The following CHL1 variants were observed in gnomAD, a reference collection of about 807,000 sequenced individuals.
CHL1 encodes the protein cell adhesion molecule L1 like.
Under a neutral mutation model 141.9 loss-of-function variants are expected in CHL1, and 96 were observed. The observed-to-expected ratio is 0.68, with a 90% CI of 0.57 to 0.80. The LOEUF (loss-of-function observed/expected upper bound fraction) is 0.80. Ranked by LOEUF, CHL1 falls within the 30% of genes least tolerant of loss-of-function variation. CHL1 has a pLI of 0.00. For missense variants in CHL1, 1,820 were observed against 1,457.2 expected, an observed-to-expected ratio of 1.25 and a Z score of -4.05; for synonymous variants, 613 against 502.2, an observed-to-expected ratio of 1.22 and a Z score of -2.95.
chr3:296,888 G>A (rs1698235265), intron 2 of CHL1, among the ~76,000 whole-genome samples: 1 of 152,134 alleles, frequency 6.6e-6, no homozygotes, highest in Admixed American at 6.5e-5. Context: ...AAACTACATA[G>A]TGAAGTCAGG....
At chr3:211,280 C>G (rs17006321) in intron 1 of CHL1, among the ~76,000 whole-genome samples, 1 of 152,164 alleles carries the variant, frequency 6.6e-6, no homozygotes, top group Non-Finnish European at 1.5e-5. Flanking sequence ...GGCTGCAGAG[C>G]TCCTATACCT....
At chr3:393,450 A>T (rs1333354247) in intron 23 of CHL1, among the ~76,000 whole-genome samples, 7 of 152,054 alleles carry the variant, frequency 4.6e-5, no homozygotes, top group Admixed American at 3.9e-4. Context: ...TCCCACCTTC[A>T]TATTGATCCG....
chr3:281,012 G>C (rs1369611414), intron 2 of CHL1, among the ~76,000 whole-genome samples: 1 of 151,942 alleles, frequency 6.6e-6, no homozygotes, highest in Non-Finnish European at 1.5e-5. Flanking sequence ...CCCAACTGGG[G>C]TTATTTTTTT....
chr3:202,906 G>A (rs1575592400), intron 1 of CHL1, among the ~76,000 whole-genome samples: 1 of 152,186 alleles, frequency 6.6e-6, no homozygotes, highest in Non-Finnish European at 1.5e-5. Context: ...AGATGAATGT[G>A]AATGGAGTGA....
chr3:263,452 G>C (rs1694904084), intron 2 of CHL1, among the ~76,000 whole-genome samples: 1 of 152,086 alleles, frequency 6.6e-6, no homozygotes, highest in South Asian at 2.1e-4. Flanking sequence ...TTTCTTATTT[G>C]TCATGTTTTC....
chr3:300,673 C>G (rs1457839481), intron 2 of CHL1, among the ~76,000 whole-genome samples: 1 of 151,728 alleles, frequency 6.6e-6, no homozygotes, highest in Non-Finnish European at 1.5e-5. Flanking sequence ...AGTTTATTGT[C>G]TAGTAAGAGA....
intron 2 of CHL1, among the ~76,000 whole-genome samples, chr3:245,414 T>A (rs1002601864): frequency 1.3e-5 from 2 of 152,156 alleles, no homozygotes; most frequent in African/African-American, 2.4e-5. Flanking sequence ...ATTAGATTAT[T>A]ACGATAATGA....
At chr3:385,672 A>G (rs1430048022) in intron 19 of CHL1, 1 of 152,024 alleles carries the variant, frequency 6.6e-6, no homozygotes, top group East Asian at 1.9e-4. Flanking sequence ...TACTAAAAAT[A>G]TAAAAATTAG....
Position 344,701 on chromosome 3 carries a change from T to C in CHL1, c.840T>C (p.Ala280=). Residue 280 remains alanine, a synonymous_variant, in exon 9 of 28, where the codon GCT becomes GCC. Coordinates refer to ENST00000256509, the MANE Select transcript of CHL1 (RefSeq NM_006614.4). ...AAATCTTGCTGCTTGAGTGTTTTGC[T>C]GAAGGCTTGTGAGTAACCTGACTCT... The part of the protein sequence containing the change: ...KGEILLLECF[A]EGLPTPQVDW... The C allele has an allele frequency of 6.2e-7, 1 of 1,613,778 alleles. No individual in the cohort carries two copies. The highest frequency in any genetic ancestry group is 8.5e-7 in the Non-Finnish European group (1 of 1,179,798).
At chr3:227,746 C>T (rs1701488052) in intron 1 of CHL1, among the ~76,000 whole-genome samples, 1 of 152,118 alleles carries the variant, frequency 6.6e-6, no homozygotes, top group Admixed American at 6.6e-5. Context: ...CTTCTTGATG[C>T]CTCTTCCTAC....
chr3:197,872 C>CTG (rs1698511960), intron 1 of CHL1: 2 of 321,300 alleles, frequency 6.2e-6, no homozygotes, highest in African/African-American at 5.0e-5. Context: ...CTTTCTCTCG[C>CTG]TTTTTTTTTT....
chr3:381,073 A>C (rs114604026), intron 16 of CHL1, among the ~76,000 whole-genome samples: 1,846 of 152,204 alleles, frequency 0.012, 40 homozygotes, highest in African/African-American at 0.042. Flanking sequence ...TCCTGGGCCC[A>C]CCTTCCTCAG....
At chr3:405,046 AT>A (rs1709427487) in intron 27 of CHL1, among the ~76,000 whole-genome samples, 1 of 152,096 alleles carries the variant, frequency 6.6e-6, no homozygotes, top group South Asian at 2.1e-4. Flanking sequence ...AAGGGCACTA[AT>A]ATCATTCACT....
rs146700241 is a variant in CHL1, at chr3:260,734, C to T, written c.-95+16042C>T. On this transcript the variant is annotated intron_variant, in intron 2 of 27. Coordinates refer to ENST00000256509, the MANE Select transcript of CHL1 (RefSeq NM_006614.4). ...GTTAAAGGTGGAAAGAAAAAGTCTACATAAAAACCTTCCTTGGAAGGAGAA... is the reference window on the plus strand; with the variant it reads ...GTTAAAGGTGGAAAGAAAAAGTCTATATAAAAACCTTCCTTGGAAGGAGAA... Among the ~76,000 whole-genome samples, 121 of 152,284 alleles carry T rather than the reference C, an allele frequency of 7.9e-4. 3 individuals carry two copies. In the South Asian group the frequency reaches 0.021, roughly 26 times the overall value.
intron 16 of CHL1, among the ~76,000 whole-genome samples, chr3:381,216 G>T (rs11129708): frequency 0.92 from 139,921 of 152,102 alleles, 65,480 homozygotes; most frequent in East Asian, 1. Flanking sequence ...CATTGGGGAG[G>T]ACATGTGGAG....
At chr3:384,514 A>G (rs1208807841) in intron 19 of CHL1, 1 of 152,150 alleles carries the variant, frequency 6.6e-6, no homozygotes, top group African/African-American at 2.4e-5. Flanking sequence ...GTTAAATGTT[A>G]TTAAATAGAC....
At chr3:326,654 A>G (rs1032674059) in intron 4 of CHL1, among the ~76,000 whole-genome samples, 2 of 151,702 alleles carry the variant, frequency 1.3e-5, no homozygotes, top group African/African-American at 2.4e-5. Context: ...AATACCTTCT[A>G]TGTTTGGGGA....
chr3:396,675 T>C (rs1354527825), intron 24 of CHL1, among the ~76,000 whole-genome samples: 2 of 152,162 alleles, frequency 1.3e-5, no homozygotes, highest in Non-Finnish European at 1.5e-5. Context: ...GTCAGGAATT[T>C]AAAAATGTTT....
In CHL1 at chr3:408,364, G is replaced by T. The variant is rs1430906369; in HGVS notation, c.*2653G>T. The stretch of plus-strand genomic sequence containing the variant: ...TGAGTTCCTAGAGAACTGTCCAAGG[G>T]TTGGGAAAATCCAAATTCTCTTCCT... On this transcript the variant is annotated 3_prime_UTR_variant, in exon 28 of 28. Coordinates refer to ENST00000256509, the MANE Select transcript of CHL1 (RefSeq NM_006614.4). The T allele has an allele frequency of 3.3e-5, 5 of 152,042 alleles. No individual in the cohort carries two copies. The highest frequency in any genetic ancestry group is 7.4e-5 in the Non-Finnish European group (5 of 67,986). 9.4% of individuals were successfully genotyped at this position (152,042 alleles called of 1,614,324 possible). A position where few individuals can be genotyped will look rare whatever the true frequency, so the allele number is the denominator to read the frequency against.
Sources: gnomAD v4.1 joint callset for allele counts (sites outside exome capture counted in the v4.1 genomes callset) on GRCh38, gnomAD v4.1.1 for gene constraint, MANE v1.5 for transcripts, NCBI Gene and HGNC (gene_info 2026-07-23, HGNC 2026-07-21) for gene names.